The following PARD3B variants were observed in gnomAD, a reference collection of about 807,000 sequenced individuals.
PARD3B encodes partitioning defective 3 homolog B.
Under a neutral mutation model 130.2 loss-of-function variants are expected in PARD3B, and 103 were observed. The observed-to-expected ratio is 0.79, with a 90% CI of 0.67 to 0.93. The LOEUF (loss-of-function observed/expected upper bound fraction) is 0.93, where lower values mean the gene tolerates loss of function less well. Among genes scored for constraint, PARD3B ranks in the 40% least tolerant of loss-of-function variants. PARD3B has a pLI of 0.00. For synonymous variants in PARD3B, 583 were observed against 553.2 expected, an observed-to-expected ratio of 1.05 and a Z score of -0.76; for missense variants, 1,609 against 1,499.2, an observed-to-expected ratio of 1.07 and a Z score of -1.21.
At chr2:205,428,381 AAAAAT>A (rs757220247) in intron 19 of PARD3B, among the ~76,000 whole-genome samples, 12 of 152,114 alleles carry the variant, frequency 7.9e-5, no homozygotes, top group Non-Finnish European at 1.3e-4. Flanking sequence ...CTCTGTCACA[AAAAAT>A]AAAATAAAAT....
chr2:205,006,441 C>A (rs535841646), intron 3 of PARD3B, among the ~76,000 whole-genome samples: 25 of 152,102 alleles, frequency 1.6e-4, no homozygotes, highest in Non-Finnish European at 3.1e-4. Flanking sequence ...GTAAAAGCAT[C>A]CCCTTTTCAC....
chr2:205,085,411 T>C (rs932300399), intron 4 of PARD3B, among the ~76,000 whole-genome samples: 1 of 151,986 alleles, frequency 6.6e-6, no homozygotes. Flanking sequence ...TTATTTCATT[T>C]TAAAACATGG....
rs543696883 is a variant in PARD3B, at chr2:205,400,949, T to C, written c.2631-64T>C. The C allele has an allele frequency of 1.8e-5, 21 of 1,192,492 alleles. 1 individual carries two copies. In the South Asian group the frequency reaches 2.8e-4, roughly 16 times the overall value. The allele number at this position is 1,192,492 out of a possible 1,614,324, so 73.9% of individuals were successfully genotyped here. ...ACTTAATGAGCTCATCCCATAAATATCTTAGCTCTACCGCAAAAACAATGT... is the reference window on the plus strand; with the variant it reads ...ACTTAATGAGCTCATCCCATAAATACCTTAGCTCTACCGCAAAAACAATGT... On this transcript the variant is annotated intron_variant, in intron 18 of 22. Coordinates refer to ENST00000406610, the MANE Select transcript of PARD3B (RefSeq NM_001302769.2).
At chr2:205,061,590 T>G (rs1180141792) in intron 4 of PARD3B, among the ~76,000 whole-genome samples, 1 of 152,094 alleles carries the variant, frequency 6.6e-6, no homozygotes, top group Non-Finnish European at 1.5e-5. Flanking sequence ...CATGCATGGT[T>G]GGATAGAAGG....
In PARD3B at chr2:204,943,745, T is replaced by G. The variant is rs1302632434; in HGVS notation, c.223-21407T>G. Among the ~76,000 whole-genome samples, 1 of 152,180 alleles carries G rather than the reference T, an allele frequency of 6.6e-6. No individual in the cohort carries two copies. Among genetic ancestry groups the G allele is most frequent in the African/African-American group, 2.4e-5 (1 of 41,442 alleles). On this transcript the variant is annotated intron_variant, in intron 2 of 22. Coordinates refer to ENST00000406610, the MANE Select transcript of PARD3B (RefSeq NM_001302769.2). The surrounding 1 kb of genome is among the most constrained non-coding windows in gnomAD (Gnocchi z 4.2). The stretch of plus-strand genomic sequence containing the variant: ...GAGGACAAATCCATCCTCTCTTCCT[T>G]GAGGGAAAGTTCGCCTCTCCATTGC...
chr2:204,786,622 C>A (rs926602343), intron 2 of PARD3B, among the ~76,000 whole-genome samples: 1 of 151,636 alleles, frequency 6.6e-6, no homozygotes, highest in East Asian at 1.9e-4. Flanking sequence ...GTTTTTTGTC[C>A]TGTTTCCCCT....
chr2:205,449,572 C>A (rs538419755), intron 20 of PARD3B, among the ~76,000 whole-genome samples: 2 of 152,186 alleles, frequency 1.3e-5, no homozygotes, highest in South Asian at 4.2e-4. Flanking sequence ...AATAATGTGT[C>A]CATTTAGACT....
In PARD3B at chr2:205,227,099, G is replaced by A. The variant is rs1353461675; in HGVS notation, c.2141-18679G>A. ...TTTAAGACTTGTTTTGTAGTCTAAT[G>A]TGTGGTCTACCCTTCAGAATGATCT... On this transcript the variant is annotated intron_variant, in intron 15 of 22. Transcript: ENST00000406610. Among the ~76,000 whole-genome samples, 3 of 151,758 alleles carry A rather than the reference G, an allele frequency of 2.0e-5. No individual in the cohort carries two copies. The East Asian group carries it at 5.8e-4, about 29-fold the overall frequency.
rs1473203432 is a variant in PARD3B, at chr2:205,193,221, G to A, written c.2041G>A (p.Ala681Thr). 6.2e-7 allele frequency: 1 copy of A among 1,610,226 alleles called. No individual in the cohort carries two copies. Among genetic ancestry groups the A allele is most frequent in the South Asian group, 1.1e-5 (1 of 90,988 alleles). ...DYSHSSGVDSAVYFPDQHINF... is the reference protein window; with the variant it reads ...DYSHSSGVDSTVYFPDQHINF... ...CTTCCACAGCTCTGGGGTGGATTCAGCAGTATATTTTCCAGATCAGCACAT... is the reference window on the plus strand; with the variant it reads ...CTTCCACAGCTCTGGGGTGGATTCAACAGTATATTTTCCAGATCAGCACAT... Residue 681 changes from alanine (A) to threonine (T), a missense_variant, in exon 15 of 23, where the codon GCA becomes ACA. By Grantham distance (58) the Ala-to-Thr change is moderately conservative (BLOSUM62 0). Coordinates refer to ENST00000406610, the MANE Select transcript of PARD3B (RefSeq NM_001302769.2).
chr2:204,934,746 GA>G (rs1290059209), intron 2 of PARD3B, among the ~76,000 whole-genome samples: 1 of 151,934 alleles, frequency 6.6e-6, no homozygotes, highest in Non-Finnish European at 1.5e-5. Flanking sequence ...CCGTTCTTCT[GA>G]AAAAAGGCAG....
intron 1 of PARD3B, among the ~76,000 whole-genome samples, chr2:204,567,332 C>G (rs2031734718): frequency 6.6e-6 from 1 of 152,106 alleles, no homozygotes; most frequent in African/African-American, 2.4e-5. Flanking sequence ...TGTTCATCTT[C>G]CCAAACTGAA....
intron 2 of PARD3B, among the ~76,000 whole-genome samples, chr2:204,858,072 G>T (rs1014564135): frequency 6.6e-6 from 1 of 152,146 alleles, no homozygotes; most frequent in Non-Finnish European, 1.5e-5. Flanking sequence ...GGATACAATA[G>T]TGTATCCATA....
At chr2:205,267,884 A>C (rs2040572273) in intron 16 of PARD3B, among the ~76,000 whole-genome samples, 1 of 152,180 alleles carries the variant, frequency 6.6e-6, no homozygotes, top group African/African-American at 2.4e-5. Context: ...GGGCATCATA[A>C]AGAACCTCAA....
intron 2 of PARD3B, among the ~76,000 whole-genome samples, chr2:204,719,960 G>A (rs180970386): frequency 6.6e-6 from 1 of 152,144 alleles, no homozygotes; most frequent in African/African-American, 2.4e-5. Context: ...TTTGTGTTGA[G>A]TAAGAGTTTT....
At chr2:205,365,487 G>C (rs1559706318) in intron 18 of PARD3B, among the ~76,000 whole-genome samples, 1 of 148,356 alleles carries the variant, frequency 6.7e-6, no homozygotes, top group Non-Finnish European at 1.5e-5. Context: ...ACACAGGCCT[G>C]CTGTCTTCCC....
intron 20 of PARD3B, among the ~76,000 whole-genome samples, chr2:205,497,221 AAAG>A (rs1407117014): frequency 5.8e-4 from 86 of 148,736 alleles, no homozygotes; most frequent in African/African-American, 2.1e-3. Context: ...AAAAAAAAAG[AAAG>A]AAAGGTACGT....
chr2:205,302,650 T>G (rs574258440), intron 18 of PARD3B, among the ~76,000 whole-genome samples: 1 of 150,410 alleles, frequency 6.6e-6, no homozygotes, highest in Non-Finnish European at 1.5e-5. Context: ...AGCAGGGGAG[T>G]CAGGGTAGAT....
At chr2:205,386,449 A>G (rs2045663427) in intron 18 of PARD3B, among the ~76,000 whole-genome samples, 1 of 152,160 alleles carries the variant, frequency 6.6e-6, no homozygotes, top group African/African-American at 2.4e-5. Context: ...CAGATGGCTT[A>G]TAATAAGACT....
intron 13 of PARD3B, among the ~76,000 whole-genome samples, chr2:205,180,097 T>C (rs183420875): frequency 7.2e-5 from 11 of 152,048 alleles, no homozygotes; most frequent in Non-Finnish European, 1.5e-4. Context: ...TCTACAAGTT[T>C]CCTGTTTCTC....
Sources: allele counts gnomAD v4.1 joint callset (sites outside exome capture counted in the v4.1 genomes callset), GRCh38; gene constraint gnomAD v4.1.1; non-coding constraint Gnocchi (gnomAD v3.1); transcripts MANE v1.5; gene names NCBI Gene and HGNC (gene_info 2026-07-23, HGNC 2026-07-21).